NRG1: variants seen among roughly 807,000 people sequenced by gnomAD.
The protein encoded by NRG1 is pro-neuregulin-1, membrane-bound isoform.
A neutral mutation model predicts 63.8 loss-of-function variants in NRG1; 18 were observed. The ratio of observed to expected loss-of-function variants is 0.28; its 90% CI spans 0.19 to 0.42. The LOEUF is 0.42. Ranked by LOEUF, NRG1 falls within the 10% of genes least tolerant of loss-of-function variation. The probability of loss-of-function intolerance (pLI) is 1.00; values close to 1 mark genes in which losing one functional copy is unlikely to be tolerated. For synonymous variants in NRG1, 302 were observed against 301.3 expected (o/e 1.00, Z -0.02); for missense variants, 762 against 814.7 (o/e 0.94, Z 0.79).
chr8:32,091,193 G>C (rs1175057080), intron 1 of NRG1, among the ~76,000 whole-genome samples: 1 of 151,780 alleles, frequency 6.6e-6, no homozygotes, highest in Non-Finnish European at 1.5e-5. Flanking sequence ...CAGGAGAATG[G>C]CGTGAACCCG....
chr8:32,207,937 T>TACA (rs1351301952), intron 1 of NRG1, among the ~76,000 whole-genome samples: 1 of 152,172 alleles, frequency 6.6e-6, no homozygotes, highest in Non-Finnish European at 1.5e-5. Context: ...AAATCACATT[T>TACA]ATTCACCCAC....
At chr8:32,429,781 T>G (rs2129486659) in intron 1 of NRG1, among the ~76,000 whole-genome samples, 1 of 152,294 alleles carries the variant, frequency 6.6e-6, no homozygotes, top group African/African-American at 2.4e-5. Context: ...ATCCATCCAC[T>G]TCCTTGCTAT....
chr8:32,556,760 A>G (rs1835248731), intron 1 of NRG1, among the ~76,000 whole-genome samples: 2 of 152,206 alleles, frequency 1.3e-5, no homozygotes, highest in Admixed American at 1.3e-4. Flanking sequence ...AAAACTGTAT[A>G]TGTTTATAAC....
At chr8:32,146,198 A>G (rs1836855956) in intron 1 of NRG1, among the ~76,000 whole-genome samples, 1 of 152,182 alleles carries the variant, frequency 6.6e-6, no homozygotes, top group South Asian at 2.1e-4. Flanking sequence ...CTTTAACTAT[A>G]TGGGAACTTT....
chr8:32,119,200 G>T (rs749822741), intron 1 of NRG1, among the ~76,000 whole-genome samples: 1 of 152,110 alleles, frequency 6.6e-6, no homozygotes, highest in Non-Finnish European at 1.5e-5. Flanking sequence ...AGCTTTCTCT[G>T]CTGTGTTTTT....
At chr8:31,839,757 C>G (rs1826014537) in intron 1 of NRG1, among the ~76,000 whole-genome samples, 1 of 152,112 alleles carries the variant, frequency 6.6e-6, no homozygotes, top group Non-Finnish European at 1.5e-5. Context: ...CATAGAAGTA[C>G]TTGGTGAAAC....
intron 5 of NRG1, among the ~76,000 whole-genome samples, chr8:32,683,698 A>C (rs10503926): frequency 0.51 from 76,953 of 151,758 alleles, 19,594 homozygotes; most frequent in Middle Eastern, 0.56. Context: ...TTAGAAGAAA[A>C]GATTCCTCTT....
exon 1 of NRG1, chr8:32,548,626 C>T (rs1252139906): frequency 5.6e-6 from 8 of 1,438,478 alleles, no homozygotes; most frequent in African/African-American, 1.5e-5. Context: ...CGCTCGCTCT[C>T]CCCCTCGAGG....
chr8:32,501,705 C>T (rs1827871784), intron 1 of NRG1, among the ~76,000 whole-genome samples: 1 of 152,178 alleles, frequency 6.6e-6, no homozygotes, highest in South Asian at 2.1e-4. Context: ...AATTTTAACT[C>T]TTTCAATCTT....
At chr8:32,263,565 C>T (rs942662438) in intron 1 of NRG1, among the ~76,000 whole-genome samples, 1 of 152,136 alleles carries the variant, frequency 6.6e-6, no homozygotes, top group Non-Finnish European at 1.5e-5. Context: ...TCGATAGTTT[C>T]CCAAAGACTT....
intron 1 of NRG1, among the ~76,000 whole-genome samples, chr8:32,437,014 G>A (rs1482946568): frequency 6.6e-6 from 1 of 152,020 alleles, no homozygotes; most frequent in South Asian, 2.1e-4. Context: ...CAAGATGTTT[G>A]GGACTGTTTA....
At chr8:31,841,952 C>A (rs1224858475) in intron 1 of NRG1, among the ~76,000 whole-genome samples, 1 of 152,170 alleles carries the variant, frequency 6.6e-6, no homozygotes, top group Non-Finnish European at 1.5e-5. Flanking sequence ...CTGGGAGCCC[C>A]AATATGTACA....
intron 2 of NRG1, among the ~76,000 whole-genome samples, chr8:32,600,353 CAA>C (rs1249339745): frequency 6.8e-6 from 1 of 146,880 alleles, no homozygotes; most frequent in East Asian, 2.0e-4. Context: ...CACACACACA[CAA>C]ACACTGTCTA....
intron 1 of NRG1, among the ~76,000 whole-genome samples, chr8:31,866,825 A>G (rs1268095727): frequency 3.3e-5 from 5 of 152,142 alleles, no homozygotes; most frequent in Non-Finnish European, 7.4e-5. Flanking sequence ...ATAAAGTAAA[A>G]TGATTTTTTA....
intron 1 of NRG1, among the ~76,000 whole-genome samples, chr8:31,939,675 A>G (rs909757076): frequency 6.6e-6 from 1 of 152,062 alleles, no homozygotes; most frequent in African/African-American, 2.4e-5. Context: ...TTTTCAGGAG[A>G]CTCATCTAAC....
chr8:32,681,752 ACTGT>A (rs1487768697), intron 5 of NRG1, among the ~76,000 whole-genome samples: 2 of 152,168 alleles, frequency 1.3e-5, no homozygotes, highest in Non-Finnish European at 2.9e-5. Context: ...CTTACAGGAA[ACTGT>A]CTGCAAATAA....
intron 5 of NRG1, among the ~76,000 whole-genome samples, chr8:32,698,979 C>T (rs1814109132): frequency 6.6e-6 from 1 of 152,152 alleles, no homozygotes; most frequent in Admixed American, 6.5e-5. Context: ...CATTCATTTA[C>T]AAATAAGGTG....
At chr8:32,455,987 G>T (rs1456998170) in intron 1 of NRG1, among the ~76,000 whole-genome samples, 8 of 152,124 alleles carry the variant, frequency 5.3e-5, no homozygotes, top group Admixed American at 5.2e-4. Context: ...TTTCACCATG[G>T]TGGCCACGAT....
At chr8:32,246,718 C>T (rs188976045) in intron 1 of NRG1, among the ~76,000 whole-genome samples, 1 of 151,948 alleles carries the variant, frequency 6.6e-6, no homozygotes, top group African/African-American at 2.4e-5. Context: ...GGCTTATAGG[C>T]ACAGAAAAAC....
Sources: allele counts gnomAD v4.1 joint callset (sites outside exome capture counted in the v4.1 genomes callset), GRCh38; gene constraint gnomAD v4.1.1; transcripts MANE v1.5; gene names NCBI Gene and HGNC (gene_info 2026-07-23, HGNC 2026-07-21).